The following PAPLN variants were observed in gnomAD, a reference collection of about 807,000 sequenced individuals.
PAPLN encodes papilin, proteoglycan like sulfated glycoprotein.
PAPLN carries 146 observed loss-of-function variants against 159.0 expected under a neutral mutation model. That is an observed-to-expected ratio of 0.92 (90% confidence interval 0.80 to 1.05). The LOEUF (loss-of-function observed/expected upper bound fraction) is 1.05. Among genes scored for constraint, PAPLN ranks in the 50% least tolerant of loss-of-function variants. The pLI, the probability that PAPLN is intolerant of heterozygous loss-of-function variation, is 0.00. For missense variants in PAPLN, 1,720 were observed against 1,743.9 expected (o/e 0.99, Z 0.24); for synonymous variants, 734 against 702.9 (o/e 1.04, Z -0.70).
upstream of PAPLN, among the ~76,000 whole-genome samples, chr14:73,237,223 A>G (rs1250900677): frequency 6.6e-6 from 1 of 152,156 alleles, no homozygotes; most frequent in Non-Finnish European, 1.5e-5. Context: ...AGGAGCGGAT[A>G]GGGCAAAGCT....
At chr14:73,249,922 G>T in intron 5 of PAPLN, 62 bp from the exon 6 acceptor site, 1 of 1,522,834 alleles carries the variant, frequency 6.6e-7, no homozygotes, top group East Asian at 2.3e-5. Context: ...GGTAAGCCTT[G>T]GGTCTTGGGG....
chr14:73,241,659 G>A (rs766528948), intron 2 of PAPLN, among the ~76,000 whole-genome samples: 1 of 152,234 alleles, frequency 6.6e-6, no homozygotes, highest in Non-Finnish European at 1.5e-5. Context: ...TCTGCAGGGG[G>A]TGTGGCCCCG....
At chr14:73,247,650 C>CTG (rs1179959339) in intron 5 of PAPLN, among the ~76,000 whole-genome samples, 14 of 128,132 alleles carry the variant, frequency 1.1e-4, no homozygotes, top group African/African-American at 2.8e-4. Context: ...GTCTCTTATC[C>CTG]TGTGTGTGTG....
chr14:73,251,138 A>G lies in PAPLN; in HGVS notation c.589+108A>G. ...CTCCAGGCCAAGTGGCCCTCATGGCACTGGAAGGCTCTGATCATATCAGGT... is the reference window on the plus strand; with the variant it reads ...CTCCAGGCCAAGTGGCCCTCATGGCGCTGGAAGGCTCTGATCATATCAGGT... On this transcript the variant is annotated intron_variant, in intron 7 of 26. Transcript: ENST00000644200. The G allele has an allele frequency of 5.4e-6, 8 of 1,494,456 alleles. No homozygotes were observed. The South Asian group carries it at 1.1e-4, about 20-fold the overall frequency. The allele number at this position is 1,494,456 out of a possible 1,614,324, so 92.6% of individuals were successfully genotyped here. A position where few individuals can be genotyped will look rare whatever the true frequency, so the allele number is the denominator to read the frequency against.
chr14:73,266,997 G>A (rs944885086), intron 25 of PAPLN, among the ~76,000 whole-genome samples, 166 bp downstream of exon 25: 20 of 152,130 alleles, frequency 1.3e-4, no homozygotes, highest in African/African-American at 4.8e-4. Flanking sequence ...ACAGAGCAAA[G>A]CTCTGTAGGG....
At chr14:73,239,359 T>G (rs951007469) in intron 1 of PAPLN, among the ~76,000 whole-genome samples, 2 of 152,260 alleles carry the variant, frequency 1.3e-5, no homozygotes, top group Non-Finnish European at 2.9e-5. Flanking sequence ...GACTTGATTT[T>G]TTTAAAGCCT....
chr14:73,266,780 C>A lies in PAPLN; in HGVS notation c.3449C>A (p.Ala1150Asp), dbSNP rs544778621. The A allele has an allele frequency of 1.7e-5, 28 of 1,613,812 alleles. 1 individual carries two copies. The Admixed American group carries it at 2.5e-4, about 14-fold the overall frequency. The change falls in exon 25 of 27, where the codon GCC (alanine) becomes GAC (aspartate). Residue 1150 changes from alanine (A) to aspartate (D), a missense_variant. Transcript: ENST00000644200. ...PTVTVPEGDT[A>D]RLLCVVAGES... ...GTGACAGTGCCAGAGGGTGATACGG[C>A]CAGGCTATTGTGTGTGGTAGCAGGA...
At position 73,251,030 on chromosome 14, in the gene PAPLN, G is replaced by T. The variant is rs1885193427; in HGVS notation, c.589G>T (p.Gly197Cys). 14 of 1,609,674 alleles carry T rather than the reference G, an allele frequency of 8.7e-6. No homozygotes were observed. Among genetic ancestry groups the T allele is most frequent in the African/African-American group, 5.3e-5 (4 of 74,976 alleles). The change falls in exon 7 of 27, where the codon GGC (glycine) becomes TGC (cysteine). Residue 197 changes from glycine (G) to cysteine (C), a missense_variant and splice_region_variant. Physicochemically the swap from Gly to Cys is radical, Grantham distance 159. Coordinates refer to ENST00000644200, the MANE Select transcript of PAPLN (RefSeq NM_001365906.3). The part of the protein sequence containing the change: ...GTFDANDLSR[G>C]YNQILIVPMG... ...CTTTGACGCTAATGACCTCAGCCGA[G>T]GTGGGGGTGGTTCCGACAAGGGGCA...
At chr14:73,264,564 T>C (rs1046717909) in intron 21 of PAPLN, 24 bp from the exon 22 acceptor site, 2 of 1,587,022 alleles carry the variant, frequency 1.3e-6, no homozygotes, top group Non-Finnish European at 1.7e-6. Flanking sequence ...AGCTCACACC[T>C]TGTTTCTCCT....
rs796630665 is a variant in PAPLN at position 73,265,235 on chromosome 14, C to T, written c.3126-135C>T. 7.1e-7 allele frequency: 1 copy of T among 1,402,386 alleles called. No homozygotes were observed. The allele number at this position is 1,402,386 out of a possible 1,614,324, so 86.9% of individuals were successfully genotyped here. On this transcript the variant is annotated intron_variant, in intron 22 of 26. Coordinates refer to ENST00000644200, the MANE Select transcript of PAPLN (RefSeq NM_001365906.3). The surrounding 1 kb of genome is among the most constrained non-coding windows in gnomAD (Gnocchi z 4.1). ...GTTATTGACCATTTCCTAACCAGAA[C>T]AAGGCAGGGGATTTTAGGAAGCTGA... is the stretch of plus-strand genomic sequence containing the variant.
chr14:73,262,621 C>A lies in PAPLN; in HGVS notation c.2517C>A (p.Ser839Arg). The change falls in exon 19 of 27, where the codon AGC (serine) becomes AGA (arginine). Residue 839 changes from serine (S) to arginine (R), a missense_variant. By Grantham distance (110) the Ser-to-Arg change is moderately radical. Transcript: ENST00000644200. ...GTCCTGCAGGCGAGCAGGAACCCAG[C>A]CAGCACAGGACAGGGGCCGCGGTGC... The part of the protein sequence containing the change: ...GSSPAGEQEP[S>R]QHRTGAAVQR... The A allele has an allele frequency of 1.3e-6, 2 of 1,545,066 alleles. No individual in the cohort carries two copies. The highest frequency in any genetic ancestry group is 8.8e-7 in the Non-Finnish European group (1 of 1,142,372).
At chr14:73,244,534 C>T (rs1045356636) in intron 2 of PAPLN, 110 bp from the exon 3 acceptor site, 3 of 916,606 alleles carry the variant, frequency 3.3e-6, no homozygotes, top group Non-Finnish European at 5.1e-6. Flanking sequence ...AAGGGAGAAT[C>T]CCAGACTCCT....
chr14:73,251,389 G>T, intron 7 of PAPLN, 97 bp from the exon 8 acceptor site: 2 of 1,277,518 alleles, frequency 1.6e-6, no homozygotes, highest in East Asian at 2.5e-5. Flanking sequence ...TACCCTCCCT[G>T]CCCCCATTCT....
In PAPLN at chr14:73,251,719, G is replaced by A. The variant is rs138204293; in HGVS notation, c.726G>A (p.Ala242=). Residue 242 remains alanine (A), a synonymous_variant, in exon 9 of 27, where the codon GCG becomes GCA. Coordinates refer to ENST00000644200, the MANE Select transcript of PAPLN (RefSeq NM_001365906.3). ...YYLNGHWTIE[A]ARALPAASTI... ...TCAATGGGCACTGGACCATCGAGGC[G>A]GCCCGGGCCCTGCCAGCAGCCAGCA... 2.2e-4 allele frequency: 349 copies of A among 1,613,240 alleles called. No homozygotes were observed. Among genetic ancestry groups the A allele is most frequent in the African/African-American group, 4.0e-4 (30 of 75,020 alleles).
intron 18 of PAPLN, 54 bp from the exon 19 acceptor site, chr14:73,262,296 T>C: frequency 1.3e-6 from 2 of 1,507,496 alleles, no homozygotes; most frequent in Non-Finnish European, 9.0e-7. Flanking sequence ...GGATGGAGGG[T>C]GCAGCTTTAG....
At chr14:73,252,878 G>T in intron 11 of PAPLN, 103 bp downstream of exon 11, 1 of 1,530,030 alleles carries the variant, frequency 6.5e-7, no homozygotes, top group Non-Finnish European at 8.8e-7. Flanking sequence ...AAGAGGTGGG[G>T]GTCCAGGGCC....
In PAPLN at chr14:73,244,480, T is replaced by C. The variant is rs548976898; in HGVS notation, c.55-164T>C. On this transcript the variant is annotated intron_variant, in intron 2 of 26. Coordinates refer to ENST00000644200, the MANE Select transcript of PAPLN (RefSeq NM_001365906.3). Reference sequence around the variant, plus strand: ...GCTAATTCTGAAAAGGAATATGTTTTGGGGTGCCCGGCAGTGTTGCTGAGT... The same window carrying C: ...GCTAATTCTGAAAAGGAATATGTTTCGGGGTGCCCGGCAGTGTTGCTGAGT... The C allele has an allele frequency of 1.9e-4, 113 of 597,596 alleles. No homozygotes were observed. The African/African-American group carries it at 2.0e-3, about 11-fold the overall frequency. The allele number at this position is 597,596 out of a possible 1,614,324, so 37.0% of individuals were successfully genotyped here. A position where few individuals can be genotyped will look rare whatever the true frequency, so the allele number is the denominator to read the frequency against.
Position 73,262,845 on chromosome 14 carries a change from C to T in PAPLN, c.2723+18C>T, listed in dbSNP as rs1420600519. The T allele has an allele frequency of 6.9e-7, 1 of 1,450,824 alleles. No individual in the cohort carries two copies. Among genetic ancestry groups the T allele is most frequent in the African/African-American group, 1.4e-5 (1 of 69,940 alleles). 89.9% of individuals were successfully genotyped at this position (1,450,824 alleles called of 1,614,324 possible). Reference sequence around the variant, plus strand: ...TCCTACAGGTGAGGCCCACCTTCCCCAGGTGAGGGGGTTAGGACGCCCAGA... The same window carrying T: ...TCCTACAGGTGAGGCCCACCTTCCCTAGGTGAGGGGGTTAGGACGCCCAGA... On this transcript the variant is annotated intron_variant, in intron 19 of 26. Coordinates refer to ENST00000644200, the MANE Select transcript of PAPLN (RefSeq NM_001365906.3).
At chr14:73,258,673 G>T (rs73306825) in intron 14 of PAPLN, among the ~76,000 whole-genome samples, 29,884 of 149,728 alleles carry the variant, frequency 0.2, 3,537 homozygotes, top group East Asian at 0.5. Context: ...GAAGTGGGAG[G>T]ATCACTTGAA....
Sources: gnomAD v4.1 joint callset for allele counts (sites outside exome capture counted in the v4.1 genomes callset) on GRCh38, gnomAD v4.1.1 for gene constraint, Gnocchi (gnomAD v3.1) non-coding constraint, MANE v1.5 for transcripts, NCBI Gene and HGNC (gene_info 2026-07-23, HGNC 2026-07-21) for gene names.